The following SYNPO2 variants were observed in gnomAD, a reference collection of about 807,000 sequenced individuals.
The protein encoded by SYNPO2 is synaptopodin 2.
A neutral mutation model predicts 85.0 loss-of-function variants in SYNPO2; 56 were observed. The observed-to-expected ratio is 0.66, with a 90% CI of 0.53 to 0.82. The LOEUF is 0.82. SYNPO2 is among the 40% of genes least tolerant of loss of function. The pLI is 0.00. For synonymous variants in SYNPO2, 602 were observed against 591.1 expected (o/e 1.02, Z -0.27); for missense variants, 1,575 against 1,534.2 (o/e 1.03, Z -0.44).
chr4:119,028,242 T>G (rs1435039099), intron 3 of SYNPO2, among the ~76,000 whole-genome samples: 1 of 148,178 alleles, frequency 6.7e-6, no homozygotes, highest in African/African-American at 2.5e-5. Flanking sequence ...TTTTTTTTAC[T>G]AATTTTGGAA....
rs1371569741 is a variant in SYNPO2 at position 119,060,811 on chromosome 4, G to A, written c.*2877G>A. On this transcript the variant is annotated 3_prime_UTR_variant, in exon 5 of 5. Transcript: ENST00000307142. The stretch of plus-strand genomic sequence containing the variant: ...GTTTAAATGTTATACCAATGCATGT[G>A]TTTGAAATATCCATTAAGATGATTT... 1 of 152,148 alleles carries A rather than the reference G, an allele frequency of 6.6e-6. No homozygotes were observed. The highest frequency in any genetic ancestry group is 1.5e-5 in the Non-Finnish European group (1 of 68,004). 9.4% of individuals were successfully genotyped at this position (152,148 alleles called of 1,614,324 possible). A position where few individuals can be genotyped will look rare whatever the true frequency, so the allele number is the denominator to read the frequency against.
intron 1 of SYNPO2, among the ~76,000 whole-genome samples, chr4:118,970,966 A>G (rs1032865733): frequency 6.6e-5 from 10 of 152,282 alleles, no homozygotes; most frequent in Middle Eastern, 3.4e-3. Context: ...TTGACCCCCA[A>G]TGATACTTTG....
chr4:118,870,702 G>T (rs988905045), intron 1 of SYNPO2, among the ~76,000 whole-genome samples: 1 of 152,124 alleles, frequency 6.6e-6, no homozygotes, highest in African/African-American at 2.4e-5. Context: ...AGCATCTGTT[G>T]TTTCTCGACT....
At chr4:119,048,166 C>G (rs1441403948) in intron 4 of SYNPO2, among the ~76,000 whole-genome samples, 1 of 152,144 alleles carries the variant, frequency 6.6e-6, no homozygotes, top group Non-Finnish European at 1.5e-5. Flanking sequence ...TTGACTAGTC[C>G]TGTCTGTCTT....
At chr4:118,947,487 T>C (rs1461162775) in intron 1 of SYNPO2, among the ~76,000 whole-genome samples, 8 of 152,196 alleles carry the variant, frequency 5.3e-5, no homozygotes, top group Non-Finnish European at 1.2e-4. Context: ...GACCTTCAGT[T>C]CCAGTCCTCT....
intron 1 of SYNPO2, among the ~76,000 whole-genome samples, chr4:118,942,350 C>A (rs967124988): frequency 4.6e-5 from 7 of 152,146 alleles, no homozygotes; most frequent in African/African-American, 1.4e-4. Flanking sequence ...ACCACTGTAA[C>A]CCCTGTGCCC....
intron 1 of SYNPO2, among the ~76,000 whole-genome samples, chr4:119,012,387 T>C (rs1196332506): frequency 1.6e-5 from 2 of 129,012 alleles, no homozygotes; most frequent in Non-Finnish European, 3.3e-5. Context: ...TTTTTTTTTT[T>C]TTTTTTATTT....
At chr4:118,882,801 G>A (rs1013391357) in intron 1 of SYNPO2, among the ~76,000 whole-genome samples, 4 of 150,042 alleles carry the variant, frequency 2.7e-5, no homozygotes, top group African/African-American at 7.3e-5. Context: ...ACGGAGTCTC[G>A]CTCTGTCGCC....
intron 4 of SYNPO2, among the ~76,000 whole-genome samples, chr4:119,047,291 C>T (rs1016552726): frequency 6.6e-6 from 1 of 152,188 alleles, no homozygotes; most frequent in Non-Finnish European, 1.5e-5. Flanking sequence ...AACTCCTTAC[C>T]TCAGATGATC....
chr4:118,862,569 A>G (rs574371664), intron 1 of SYNPO2, among the ~76,000 whole-genome samples: 127 of 152,332 alleles, frequency 8.3e-4, no homozygotes, highest in Non-Finnish European at 1.4e-3. Context: ...CTTTTTCAGC[A>G]TCAATTGAAA....
chr4:118,908,970 G>A (rs561104735), intron 1 of SYNPO2, among the ~76,000 whole-genome samples: 29 of 152,112 alleles, frequency 1.9e-4, no homozygotes, highest in African/African-American at 5.3e-4. Context: ...AAAAGATTGG[G>A]CCCCCGTAAC....
At chr4:119,052,866 CT>C (rs1211719674) in intron 4 of SYNPO2, among the ~76,000 whole-genome samples, 2 of 152,054 alleles carry the variant, frequency 1.3e-5, no homozygotes, top group East Asian at 3.9e-4. Context: ...CAGCAGAAAA[CT>C]TTTTTTTATT....
chr4:118,852,012 A>T (rs1731428405), intron 1 of SYNPO2, among the ~76,000 whole-genome samples: 1 of 152,214 alleles, frequency 6.6e-6, no homozygotes, highest in Admixed American at 6.5e-5. Flanking sequence ...AAAGTTTTCT[A>T]ACTGTTATAT....
chr4:119,022,747 A>G (rs371170365), intron 1 of SYNPO2, among the ~76,000 whole-genome samples: 1 of 131,870 alleles, frequency 7.6e-6, no homozygotes, highest in East Asian at 2.2e-4. Flanking sequence ...TTTATGTTTT[A>G]TTTTATTTTA....
chr4:119,030,255 A>G lies in SYNPO2; in HGVS notation c.1480A>G (p.Met494Val), dbSNP rs1199929578. 1 of 1,613,918 alleles carries G rather than the reference A, an allele frequency of 6.2e-7. No individual in the cohort carries two copies. The highest frequency in any genetic ancestry group is 8.5e-7 in the Non-Finnish European group (1 of 1,180,000). Residue 494 changes from methionine (M) to valine (V), a missense_variant, in exon 4 of 5, where the codon ATG becomes GTG. This residue lies in a region of SYNPO2 where 1,508 missense variants were observed against 1,446.8 expected (regional missense o/e 1.04). Coordinates refer to ENST00000307142, the MANE Select transcript of SYNPO2 (RefSeq NM_133477.3). ...AGACACCACAGGCAAGGGAGCCCTCATGTTTGCCAAGAGGAGGGAGAGAAT... is the reference window on the plus strand; with the variant it reads ...AGACACCACAGGCAAGGGAGCCCTCGTGTTTGCCAAGAGGAGGGAGAGAAT... ...LPDTTGKGALMFAKRRERMDQ... is the reference protein window; with the variant it reads ...LPDTTGKGALVFAKRRERMDQ...
chr4:118,986,883 G>A (rs1736240117), intron 1 of SYNPO2, among the ~76,000 whole-genome samples: 1 of 152,098 alleles, frequency 6.6e-6, no homozygotes, highest in Non-Finnish European at 1.5e-5. Context: ...TATTGATATG[G>A]CCCCTAAAGC....
intron 4 of SYNPO2, chr4:119,032,724 T>C: frequency 7.4e-6 from 7 of 948,106 alleles, no homozygotes; most frequent in Non-Finnish European, 8.8e-6. Context: ...AGAAAACTTA[T>C]TTAAAGTAAA....
At chr4:119,004,784 T>A (rs1289862363) in intron 1 of SYNPO2, among the ~76,000 whole-genome samples, 4 of 151,854 alleles carry the variant, frequency 2.6e-5, no homozygotes, top group African/African-American at 9.7e-5. Flanking sequence ...TAGTTCTAGA[T>A]CCCTGAGGAA....
In SYNPO2 at chr4:119,024,328, A is replaced by G. The variant is rs571555406; in HGVS notation, c.257+747A>G. Among the ~76,000 whole-genome samples, 5 of 152,378 alleles carry G rather than the reference A, an allele frequency of 3.3e-5. No homozygotes were observed. In the South Asian group the frequency reaches 6.2e-4, roughly 19 times the overall value. On this transcript the variant is annotated intron_variant, in intron 2 of 4. Coordinates refer to ENST00000307142, the MANE Select transcript of SYNPO2 (RefSeq NM_133477.3). ...TTGCAACGGAAGCTCTGGCTATTGCATGATAATGAATCCAGAAAGGAAAGC... is the reference window on the plus strand; with the variant it reads ...TTGCAACGGAAGCTCTGGCTATTGCGTGATAATGAATCCAGAAAGGAAAGC...
Sources: gnomAD v4.1 joint callset for allele counts (sites outside exome capture counted in the v4.1 genomes callset) on GRCh38, gnomAD v4.1.1 for gene constraint, gnomAD v4.1.1 regional missense constraint, MANE v1.5 for transcripts, NCBI Gene and HGNC (gene_info 2026-07-23, HGNC 2026-07-21) for gene names.